TEX11: variants seen among roughly 807,000 people sequenced by gnomAD.
TEX11 encodes the protein testis-expressed protein 11.
In TEX11, 7 loss-of-function variants were observed where a neutral mutation model predicts 84.4. The observed-to-expected ratio is 0.08, with a 90% CI of 0.05 to 0.16. The LOEUF (loss-of-function observed/expected upper bound fraction) is 0.16. TEX11 is among the 10% of genes least tolerant of loss of function. TEX11 has a pLI of 1.00. For missense variants in TEX11, 551 were observed against 660.5 expected, an observed-to-expected ratio of 0.83 and a Z score of 1.82; for synonymous variants, 264 against 222.8, an observed-to-expected ratio of 1.18 and a Z score of -1.64.
chrX:70,892,824 A>G (rs1010120835), intron 2 of TEX11, among the ~76,000 whole-genome samples: 1 of 110,643 alleles, frequency 9.0e-6, no homozygotes, highest in Non-Finnish European at 1.9e-5. Context: ...ACGTGCAAAG[A>G]CACACAGAAG....
At chrX:70,637,835 G>A (rs1419654358) in intron 17 of TEX11, among the ~76,000 whole-genome samples, 2 of 110,896 alleles carry the variant, frequency 1.8e-5, no homozygotes, top group Non-Finnish European at 3.8e-5. Context: ...CCTAGGTGAT[G>A]GGATGATTTA....
intron 16 of TEX11, among the ~76,000 whole-genome samples, chrX:70,651,933 A>G (rs948183819): frequency 8.9e-6 from 1 of 111,784 alleles, no homozygotes; most frequent in Non-Finnish European, 1.9e-5. Context: ...TTTATCTGGT[A>G]AGCATTTGCA....
chrX:70,902,191 T>A (rs1299436854), intron 2 of TEX11, among the ~76,000 whole-genome samples: 1 of 111,841 alleles, frequency 8.9e-6, no homozygotes. Flanking sequence ...GTAGAAGCTG[T>A]GGTGAGCCAC....
At chrX:70,522,570 G>A in the TEX11 span, among the ~76,000 whole-genome samples, 2 of 111,658 alleles carry the variant, frequency 1.8e-5, no homozygotes, top group Non-Finnish European at 3.8e-5. Context: ...TTTTGCTCCT[G>A]TTGCCCAGGC....
At chrX:70,787,311 G>C (rs2091085574) in intron 9 of TEX11, among the ~76,000 whole-genome samples, 1 of 111,351 alleles carries the variant, frequency 9.0e-6, no homozygotes, top group African/African-American at 3.3e-5. Context: ...TCTAGAACAA[G>C]ACAAGGAATC....
At chrX:70,844,101 C>T (rs1338686282) in intron 7 of TEX11, among the ~76,000 whole-genome samples, 2 of 109,951 alleles carry the variant, frequency 1.8e-5, no homozygotes, top group Non-Finnish European at 3.8e-5. Context: ...CCCAGCCATC[C>T]CATTACTGGG....
chrX:70,524,068 A>C (rs1206479337), downstream of TEX11, among the ~76,000 whole-genome samples: 1 of 111,837 alleles, frequency 8.9e-6, no homozygotes, highest in Admixed American at 9.6e-5. Flanking sequence ...AAAATCACTC[A>C]TGACATTCTT....
intron 8 of TEX11, among the ~76,000 whole-genome samples, chrX:70,825,366 T>A (rs1780089623): frequency 9.2e-6 from 1 of 108,283 alleles, no homozygotes. Flanking sequence ...TATATATTGT[T>A]CAATAAAAAA....
chrX:70,824,073 A>G (rs1242639681), intron 8 of TEX11, among the ~76,000 whole-genome samples: 1 of 112,093 alleles, frequency 8.9e-6, no homozygotes, highest in East Asian at 2.8e-4. Context: ...GGTAAGATAA[A>G]GTAAGTATGC....
chrX:70,618,222 G>A (rs1569359117), intron 20 of TEX11, among the ~76,000 whole-genome samples: 1 of 111,469 alleles, frequency 9.0e-6, no homozygotes, highest in Non-Finnish European at 1.9e-5. Context: ...TCCATTAACA[G>A]GATGTTTGTA....
chrX:70,732,168 C>G (rs2090657820), intron 11 of TEX11, among the ~76,000 whole-genome samples: 1 of 111,441 alleles, frequency 9.0e-6, no homozygotes, highest in Non-Finnish European at 1.9e-5. Flanking sequence ...ATAATAAGAG[C>G]TATCTATGAC....
At chrX:70,863,300 C>T (rs1279356947) in intron 4 of TEX11, among the ~76,000 whole-genome samples, 3 of 111,545 alleles carry the variant, frequency 2.7e-5, no homozygotes, top group Non-Finnish European at 3.8e-5. Flanking sequence ...CAACAGGGGT[C>T]GAGAAAAACC....
At chrX:70,530,156 A>G (rs963446376) in intron 28 of TEX11, among the ~76,000 whole-genome samples, 157 bp from the exon 29 acceptor site, 3 of 111,583 alleles carry the variant, frequency 2.7e-5, no homozygotes, top group Admixed American at 1.9e-4. Context: ...GGAGGAGAGC[A>G]CTTTGAAGGT....
At chrX:70,747,302 T>C (rs1241391772) in intron 9 of TEX11, among the ~76,000 whole-genome samples, 1 of 111,731 alleles carries the variant, frequency 9.0e-6, no homozygotes, top group East Asian at 2.8e-4. Flanking sequence ...GGTGACTCCA[T>C]AAGAAGTCAT....
chrX:70,829,052 A>G (rs1448756711), intron 8 of TEX11, among the ~76,000 whole-genome samples: 1 of 112,069 alleles, frequency 8.9e-6, no homozygotes, highest in Non-Finnish European at 1.9e-5. Flanking sequence ...CAGACAAACA[A>G]AAGCTGAGGG....
rs189417375 is a variant in TEX11 at position 70,708,600 on chromosome X, T to C, written c.1004+14018A>G. ...AAGAAGATGTGGTACATATATACCA[T>C]GGAATACTATGCAGTCATAAAAAGA... On this transcript the variant is annotated intron_variant, in intron 13 of 29. Transcript: ENST00000374333. Among the ~76,000 whole-genome samples, 218 of 112,007 alleles carry C rather than the reference T, an allele frequency of 1.9e-3. 4 individuals are homozygous for C. The South Asian group carries it at 0.042, about 21-fold the overall frequency.
At chrX:70,698,523 C>A (rs1823924664) in intron 13 of TEX11, among the ~76,000 whole-genome samples, 2 of 104,562 alleles carry the variant, frequency 1.9e-5, no homozygotes, top group African/African-American at 7.0e-5. Context: ...AGGTTCCCCC[C>A]AGCAAAAAAA....
chrX:70,663,681 T>C (rs1233159898), intron 16 of TEX11, among the ~76,000 whole-genome samples: 1 of 111,744 alleles, frequency 8.9e-6, no homozygotes, highest in African/African-American at 3.2e-5. Context: ...ACTGAAAATA[T>C]CCTAAATAGA....
At chrX:70,793,095 C>A (rs2091134714) in intron 9 of TEX11, among the ~76,000 whole-genome samples, 1 of 111,580 alleles carries the variant, frequency 9.0e-6, no homozygotes, top group South Asian at 3.8e-4. Flanking sequence ...ACAAAAACCA[C>A]ATGATCATCT....
Sources: allele counts gnomAD v4.1 joint callset (sites outside exome capture counted in the v4.1 genomes callset), GRCh38; gene constraint gnomAD v4.1.1; transcripts MANE v1.5; gene names NCBI Gene and HGNC (gene_info 2026-07-23, HGNC 2026-07-21).